Variants in AGBL4 observed in about 807,000 individuals in gnomAD.
AGBL4 encodes AGBL carboxypeptidase 4, also known as cytosolic carboxypeptidase 6.
In AGBL4, 58 loss-of-function variants were observed where a neutral mutation model predicts 66.4. The ratio of observed to expected loss-of-function variants is 0.87; its 90% CI spans 0.71 to 1.09. The LOEUF is 1.09. AGBL4 is among the 50% of genes least tolerant of loss of function. The probability of loss-of-function intolerance (pLI) is 0.00; values close to 1 mark genes in which losing one functional copy is unlikely to be tolerated. For missense variants in AGBL4, 579 were observed against 631.0 expected (o/e 0.92, Z 0.88); for synonymous variants, 234 against 222.9 (o/e 1.05, Z -0.44).
intron 6 of AGBL4, among the ~76,000 whole-genome samples, chr1:48,784,364 G>C (rs1370319527): frequency 6.6e-6 from 1 of 152,122 alleles, no homozygotes; most frequent in Non-Finnish European, 1.5e-5. Context: ...ACTGAACAAT[G>C]CTAATGATAA....
chr1:49,771,960 T>C (rs1644071541), intron 2 of AGBL4, among the ~76,000 whole-genome samples: 1 of 152,108 alleles, frequency 6.6e-6, no homozygotes, highest in South Asian at 2.1e-4. Context: ...GAGAATTTAT[T>C]CAATTTATAT....
At chr1:49,761,231 G>A (rs1558229879) in intron 2 of AGBL4, among the ~76,000 whole-genome samples, 1 of 151,140 alleles carries the variant, frequency 6.6e-6, no homozygotes, top group Non-Finnish European at 1.5e-5. Context: ...ATCTGAAATT[G>A]TTTTCAAGAG....
chr1:48,846,250 A>G (rs1646905524), intron 6 of AGBL4, among the ~76,000 whole-genome samples: 1 of 152,006 alleles, frequency 6.6e-6, no homozygotes, highest in African/African-American at 2.4e-5. Context: ...CTGGGTTATT[A>G]TGGGTCTGTA....
At chr1:49,510,058 G>A (rs1047628922) in intron 3 of AGBL4, among the ~76,000 whole-genome samples, 1 of 151,926 alleles carries the variant, frequency 6.6e-6, no homozygotes, top group African/African-American at 2.4e-5. Context: ...GAATCCAGGA[G>A]GAATGTTTAA....
At chr1:49,280,223 C>G (rs1200761698) in intron 3 of AGBL4, among the ~76,000 whole-genome samples, 1 of 152,078 alleles carries the variant, frequency 6.6e-6, no homozygotes, top group Non-Finnish European at 1.5e-5. Flanking sequence ...CATTGCCTAG[C>G]CACCCTCACC....
chr1:49,545,384 C>T (rs916298044), intron 3 of AGBL4, among the ~76,000 whole-genome samples: 1 of 152,184 alleles, frequency 6.6e-6, no homozygotes, highest in Non-Finnish European at 1.5e-5. Context: ...GGATAATCTT[C>T]CCCAGTCAAG....
intron 6 of AGBL4, among the ~76,000 whole-genome samples, chr1:48,783,417 G>C (rs756921680): frequency 6.6e-6 from 1 of 152,158 alleles, no homozygotes; most frequent in Non-Finnish European, 1.5e-5. Context: ...GTTGGGTACA[G>C]GCTTAAAGGC....
chr1:49,674,529 A>T (rs987482649), intron 3 of AGBL4, among the ~76,000 whole-genome samples: 62 of 147,358 alleles, frequency 4.2e-4, no homozygotes, highest in African/African-American at 1.5e-3. Flanking sequence ...AAATTTATAT[A>T]TTTTTATTAA....
intron 5 of AGBL4, among the ~76,000 whole-genome samples, chr1:48,918,265 C>A (rs1288056375): frequency 6.6e-6 from 1 of 152,138 alleles, no homozygotes; most frequent in African/African-American, 2.4e-5. Context: ...GCTAGGAATG[C>A]CTTGTTCCTT....
intron 3 of AGBL4, among the ~76,000 whole-genome samples, chr1:49,509,641 T>C (rs1037620205): frequency 6.6e-6 from 1 of 151,952 alleles, no homozygotes; most frequent in Non-Finnish European, 1.5e-5. Context: ...TAAGCAGGAA[T>C]ATGACATGGA....
intron 11 of AGBL4, among the ~76,000 whole-genome samples, chr1:48,551,512 T>C (rs188092801): frequency 2.0e-5 from 3 of 152,266 alleles, no homozygotes; most frequent in Admixed American, 2.0e-4. Flanking sequence ...TCACATTTGT[T>C]TCCAGAGTTA....
chr1:49,563,646 C>A (rs1558055248), intron 3 of AGBL4, among the ~76,000 whole-genome samples: 1 of 152,070 alleles, frequency 6.6e-6, no homozygotes, highest in Admixed American at 6.6e-5. Flanking sequence ...GCCTTGCATC[C>A]CAGGGATGAA....
chr1:48,528,561 G>C (rs1430554310), downstream of AGBL4, among the ~76,000 whole-genome samples: 5 of 152,042 alleles, frequency 3.3e-5, no homozygotes, highest in Admixed American at 3.3e-4. Flanking sequence ...TGGTAGAGTT[G>C]TGTTTGTATC....
intron 6 of AGBL4, among the ~76,000 whole-genome samples, chr1:48,852,015 C>CTTTTTTTTTTTTTTT (rs138826187): frequency 1.5e-4 from 11 of 71,932 alleles, no homozygotes; most frequent in African/African-American, 5.6e-4. Flanking sequence ...CAGATACGTA[C>CTTTTTTTTTTTTTTT]TTTTTTTTTT....
intron 1 of AGBL4, among the ~76,000 whole-genome samples, chr1:49,962,988 T>G (rs1248358910): frequency 6.6e-6 from 1 of 152,062 alleles, no homozygotes; most frequent in East Asian, 1.9e-4. Context: ...CATGACACCT[T>G]CCCCTGCACA....
intron 4 of AGBL4, among the ~76,000 whole-genome samples, chr1:49,238,753 C>A (rs1201271545): frequency 1.3e-5 from 2 of 152,122 alleles, no homozygotes; most frequent in Non-Finnish European, 2.9e-5. Context: ...TGCTAGACTG[C>A]CCTTTTTCTG....
intron 3 of AGBL4, among the ~76,000 whole-genome samples, chr1:49,264,160 G>C (rs1653503525): frequency 6.6e-6 from 1 of 151,964 alleles, no homozygotes; most frequent in South Asian, 2.1e-4. Flanking sequence ...AAGGAGAGAG[G>C]ATGTTAGGTA....
At chr1:49,204,900 A>T (rs2148238505) in intron 4 of AGBL4, among the ~76,000 whole-genome samples, 1 of 152,250 alleles carries the variant, frequency 6.6e-6, no homozygotes, top group South Asian at 2.1e-4. Flanking sequence ...TTTTCTAATG[A>T]CATCATAGAT....
At chr1:49,925,176 T>C (rs1652641981) in intron 1 of AGBL4, among the ~76,000 whole-genome samples, 1 of 152,202 alleles carries the variant, frequency 6.6e-6, no homozygotes, top group South Asian at 2.1e-4. Flanking sequence ...GAGGACTTTG[T>C]CTTGCAACTT....
Sources: allele counts gnomAD v4.1 joint callset (sites outside exome capture counted in the v4.1 genomes callset), GRCh38; gene constraint gnomAD v4.1.1; transcripts MANE v1.5; gene names NCBI Gene and HGNC (gene_info 2026-07-23, HGNC 2026-07-21).